The following SUPT3H variants were observed in gnomAD, a reference collection of about 807,000 sequenced individuals.
The protein encoded by SUPT3H is transcription initiation protein SPT3 homolog.
A neutral mutation model predicts 44.3 loss-of-function variants in SUPT3H; 44 were observed. The ratio of observed to expected loss-of-function variants is 0.99; its 90% CI spans 0.78 to 1.28. SUPT3H has a LOEUF of 1.28. Ranked by LOEUF, SUPT3H falls within the 50% of genes most tolerant of loss-of-function variation. The pLI, the probability that SUPT3H is intolerant of heterozygous loss-of-function variation, is 0.00. For missense variants in SUPT3H, 380 were observed against 387.1 expected (o/e 0.98, Z 0.15); for synonymous variants, 124 against 125.6 (o/e 0.99, Z 0.09).
chr6:45,110,501 C>T (rs939580862), intron 2 of SUPT3H, among the ~76,000 whole-genome samples: 1 of 151,788 alleles, frequency 6.6e-6, no homozygotes, highest in Non-Finnish European at 1.5e-5. Context: ...ATACAATAAA[C>T]GTCTAGTCAT....
At chr6:45,273,816 C>T (rs1002713808) in intron 2 of SUPT3H, among the ~76,000 whole-genome samples, 10 of 152,136 alleles carry the variant, frequency 6.6e-5, no homozygotes, top group African/African-American at 2.4e-4. Context: ...CATTTCTCTT[C>T]ATTCTGCTTC....
chr6:45,132,043 A>G (rs1201629781), intron 2 of SUPT3H, among the ~76,000 whole-genome samples: 2 of 152,190 alleles, frequency 1.3e-5, no homozygotes, highest in Non-Finnish European at 1.5e-5. Flanking sequence ...TAGAACAATG[A>G]TAACAATATT....
At chr6:44,843,523 T>G (rs1771336770) in intron 10 of SUPT3H, among the ~76,000 whole-genome samples, 2 of 152,100 alleles carry the variant, frequency 1.3e-5, no homozygotes, top group Non-Finnish European at 2.9e-5. Context: ...TTACTGGAAC[T>G]AGAGAGTTTA....
At position 44,829,734 on chromosome 6, in the gene SUPT3H, T is replaced by C; in HGVS notation, c.*82A>G. On this transcript the variant is annotated 3_prime_UTR_variant, in exon 11 of 11. Transcript: ENST00000371459. ...TCCCTCAGATAAAAGAAAGGTAAAT[T>C]TGTATTTTATTTTGTTCACAAGAAA... 2 of 1,501,160 alleles carry C rather than the reference T, an allele frequency of 1.3e-6. No individual in the cohort carries two copies. Among genetic ancestry groups the C allele is most frequent in the Non-Finnish European group, 1.8e-6 (2 of 1,089,524 alleles). 93.0% of individuals were successfully genotyped at this position (1,501,160 alleles called of 1,614,324 possible). A position where few individuals can be genotyped will look rare whatever the true frequency, so the allele number is the denominator to read the frequency against.
At chr6:45,199,413 T>A (rs2153624589) in intron 2 of SUPT3H, among the ~76,000 whole-genome samples, 1 of 150,844 alleles carries the variant, frequency 6.6e-6, no homozygotes, top group Non-Finnish European at 1.5e-5. Flanking sequence ...GCACCTTAAG[T>A]AATTTTATAA....
chr6:45,342,500 C>A (rs1790004540), intron 2 of SUPT3H, among the ~76,000 whole-genome samples: 1 of 152,106 alleles, frequency 6.6e-6, no homozygotes. Flanking sequence ...ACCTCGTAAT[C>A]CACCCGCCTT....
At chr6:45,058,402 CAAAT>C (rs1448120970) in intron 3 of SUPT3H, among the ~76,000 whole-genome samples, 1 of 152,108 alleles carries the variant, frequency 6.6e-6, no homozygotes, top group African/African-American at 2.4e-5. Flanking sequence ...ATACATTCAA[CAAAT>C]ATATACTGAA....
chr6:45,044,723 T>A (rs575944547), intron 3 of SUPT3H, among the ~76,000 whole-genome samples: 44 of 152,268 alleles, frequency 2.9e-4, no homozygotes, highest in African/African-American at 9.9e-4. Flanking sequence ...CCAGGCCTGC[T>A]GGGTTTCAGG....
chr6:45,317,864 C>T (rs916763825), intron 2 of SUPT3H, among the ~76,000 whole-genome samples: 1 of 149,148 alleles, frequency 6.7e-6, no homozygotes, highest in Non-Finnish European at 1.5e-5. Context: ...TAAAACACTT[C>T]TACAGAACAA....
At chr6:45,254,380 G>A (rs536721345) in intron 2 of SUPT3H, among the ~76,000 whole-genome samples, 71 of 152,184 alleles carry the variant, frequency 4.7e-4, no homozygotes, top group Admixed American at 9.8e-4. Context: ...GCTCAAATCT[G>A]TGCTCAGCAA....
intron 11 of SUPT3H, among the ~76,000 whole-genome samples, chr6:44,811,301 A>T (rs766617712): frequency 1.3e-5 from 2 of 152,210 alleles, no homozygotes; most frequent in African/African-American, 2.4e-5. Context: ...GTTATGGGTT[A>T]TTGGGAAGAT....
At chr6:44,920,789 C>T (rs979354037) in intron 10 of SUPT3H, among the ~76,000 whole-genome samples, 7 of 152,146 alleles carry the variant, frequency 4.6e-5, no homozygotes, top group East Asian at 1.9e-4. Context: ...CTCATCTCAA[C>T]GTACTCCAGA....
At chr6:45,319,876 G>C (rs10456551) in intron 2 of SUPT3H, among the ~76,000 whole-genome samples, 14,243 of 152,144 alleles carry the variant, frequency 0.094, 834 homozygotes, top group Middle Eastern at 0.15. Context: ...AACTCTAAAA[G>C]AGAGAACATT....
At position 44,829,012 on chromosome 6, in the gene SUPT3H, A is replaced by C. The variant is rs1768139519; in HGVS notation, c.*804T>G. 6.6e-6 allele frequency: 1 copy of C among 152,558 alleles called. No homozygotes were observed. Among genetic ancestry groups the C allele is most frequent in the African/African-American group, 2.4e-5 (1 of 41,438 alleles). 9.5% of individuals were successfully genotyped at this position (152,558 alleles called of 1,614,324 possible). A position where few individuals can be genotyped will look rare whatever the true frequency, so the allele number is the denominator to read the frequency against. ...ATTACCCAGCCCACATTTCCAGTCT[A>C]GGTGTGGTAGTGCTTTGAAGGGAGG... On this transcript the variant is annotated 3_prime_UTR_variant, in exon 11 of 11. Coordinates refer to ENST00000371459, the MANE Select transcript of SUPT3H (RefSeq NM_003599.4).
intron 2 of SUPT3H, among the ~76,000 whole-genome samples, chr6:45,285,323 T>C (rs1164038438): frequency 2.0e-5 from 3 of 152,194 alleles, no homozygotes; most frequent in African/African-American, 7.2e-5. Flanking sequence ...GCAGATGACA[T>C]GATTGTATAT....
chr6:45,055,025 A>G (rs571553074), intron 3 of SUPT3H, among the ~76,000 whole-genome samples: 84 of 151,994 alleles, frequency 5.5e-4, no homozygotes, highest in African/African-American at 1.9e-3. Context: ...AAAAAAAATT[A>G]TTAAATTAAA....
At chr6:44,979,019 T>C (rs2153488314) in intron 6 of SUPT3H, among the ~76,000 whole-genome samples, 1 of 152,322 alleles carries the variant, frequency 6.6e-6, no homozygotes, top group African/African-American at 2.4e-5. Context: ...GCCTTTTAGG[T>C]ACATTTACAA....
chr6:44,855,100 G>T (rs1018712935), intron 10 of SUPT3H, among the ~76,000 whole-genome samples: 1 of 152,200 alleles, frequency 6.6e-6, no homozygotes, highest in Admixed American at 6.5e-5. Context: ...AGAAACTCAT[G>T]TTTTCTGATC....
At position 44,876,591 on chromosome 6, in the gene SUPT3H, C is replaced by G. The variant is rs6909930; in HGVS notation, c.913-46734G>C. Among the ~76,000 whole-genome samples the G allele has an allele frequency of 5.7e-4, 85 of 147,976 alleles. 1 individual carries two copies. The highest frequency in any genetic ancestry group is 2.1e-3 in the African/African-American group (84 of 40,092). ...GTGGGTGCAGCGCACCAGCATGGCA[C>G]ATGTATACATATGTAACTAACCTGC... On this transcript the variant is annotated intron_variant, in intron 10 of 10. Coordinates refer to ENST00000371459, the MANE Select transcript of SUPT3H (RefSeq NM_003599.4).
Sources: gnomAD v4.1 joint callset for allele counts (sites outside exome capture counted in the v4.1 genomes callset) on GRCh38, gnomAD v4.1.1 for gene constraint, MANE v1.5 for transcripts, NCBI Gene and HGNC (gene_info 2026-07-23, HGNC 2026-07-21) for gene names.